LEF1: variants seen among roughly 807,000 people sequenced by gnomAD.
The protein encoded by LEF1 is lymphoid enhancer binding factor 1.
Under a neutral mutation model 51.2 loss-of-function variants are expected in LEF1, and 14 were observed. The observed-to-expected ratio is 0.27, with a 90% CI of 0.18 to 0.43. LEF1 has a LOEUF of 0.43. LEF1 is among the 20% of genes least tolerant of loss of function. The pLI is 1.00. For missense variants in LEF1, 386 were observed against 512.0 expected, an observed-to-expected ratio of 0.75 and a Z score of 2.37; for synonymous variants, 185 against 183.2, an observed-to-expected ratio of 1.01 and a Z score of -0.08.
At chr4:108,051,025 A>T (rs1374730826) in intron 11 of LEF1, among the ~76,000 whole-genome samples, 2 of 152,218 alleles carry the variant, frequency 1.3e-5, no homozygotes, top group African/African-American at 2.4e-5. Flanking sequence ...ATAGTGATTA[A>T]CACAAACATG....
intron 3 of LEF1, among the ~76,000 whole-genome samples, chr4:108,108,454 T>C (rs1238340625): frequency 6.6e-6 from 1 of 152,166 alleles, no homozygotes; most frequent in African/African-American, 2.4e-5. Context: ...AATATTTTTC[T>C]GGACTTGATT....
intron 3 of LEF1, among the ~76,000 whole-genome samples, chr4:108,163,099 T>C (rs1333793501): frequency 2.6e-5 from 4 of 152,132 alleles, no homozygotes; most frequent in Admixed American, 6.6e-5. Context: ...TAAGGAAACA[T>C]TGGCCGATAC....
intron 3 of LEF1, among the ~76,000 whole-genome samples, chr4:108,160,696 A>G (rs532180407): frequency 1.2e-3 from 178 of 152,328 alleles, no homozygotes; most frequent in Middle Eastern, 3.4e-3. Flanking sequence ...GTAATACTGT[A>G]TATTGGTCAT....
rs1224367362 is a variant in LEF1, at chr4:108,064,688, CACACAAT to C, written c.1117-311_1117-305del. 6.5e-3 allele frequency among the ~76,000 whole-genome samples: 103 copies of C among 15,878 alleles called. No homozygotes were observed. In the East Asian group the frequency reaches 0.15, roughly 23 times the overall value. 10.4% of individuals were successfully genotyped at this position (15,878 alleles called of 152,430 possible). On this transcript the variant is annotated intron_variant, in intron 9 of 11. Transcript: ENST00000265165. ...ACACACACACACACACACACACACA[CACACAAT>C]GATGTCTTAGAGCTGTGGCCATAGA...
intron 3 of LEF1, among the ~76,000 whole-genome samples, chr4:108,110,964 T>A (rs1310736876): frequency 6.6e-6 from 1 of 152,104 alleles, no homozygotes; most frequent in African/African-American, 2.4e-5. Flanking sequence ...ACTTACTAAA[T>A]TGGATGAAAG....
chr4:108,056,794 G>C (rs1452826145), intron 11 of LEF1, among the ~76,000 whole-genome samples: 1 of 151,680 alleles, frequency 6.6e-6, no homozygotes, highest in Non-Finnish European at 1.5e-5. Context: ...CCTATGCAGC[G>C]ATCTGGCAAT....
At chr4:108,136,049 A>G (rs1254276033) in intron 3 of LEF1, among the ~76,000 whole-genome samples, 3 of 152,236 alleles carry the variant, frequency 2.0e-5, no homozygotes, top group African/African-American at 7.2e-5. Context: ...TGATGATGTG[A>G]TGTGAAAATA....
At chr4:108,072,323 C>A (rs1445023883) in intron 8 of LEF1, 4 of 152,244 alleles carry the variant, frequency 2.6e-5, no homozygotes, top group Non-Finnish European at 5.9e-5. Flanking sequence ...AGAAAACAAA[C>A]ACCTGCTGCT....
At chr4:108,157,784 T>G (rs1232030007) in intron 3 of LEF1, among the ~76,000 whole-genome samples, 1 of 152,244 alleles carries the variant, frequency 6.6e-6, no homozygotes, top group Admixed American at 6.5e-5. Flanking sequence ...GTGAGTACCA[T>G]CGCTCAGTGA....
Position 108,078,341 on chromosome 4 carries a change from C to T in LEF1, c.887G>A (p.Arg296Lys), listed in dbSNP as rs1299335713. 5.0e-6 allele frequency: 8 copies of T among 1,613,942 alleles called. No individual in the cohort carries two copies. In the East Asian group the frequency reaches 6.7e-5, roughly 13 times the overall value. The stretch of plus-strand genomic sequence containing the variant: ...ATTCAGAGGCTTCTTAATGTGAGGT[C>T]TTTTTGGCTCCTGCTCCTTTCTCTG... ...HEQRKEQEPK[R>K]PHIKKPLNAF... The change falls in exon 8 of 12, where the codon AGA (arginine) becomes AAA (lysine). Residue 296 changes from arginine (R) to lysine (K), a missense_variant. Coordinates refer to ENST00000265165, the MANE Select transcript of LEF1 (RefSeq NM_016269.5).
chr4:108,079,353 G>T (rs1042608653), intron 7 of LEF1, 139 bp downstream of exon 7: 1 of 959,462 alleles, frequency 1.0e-6, no homozygotes. Context: ...ATGTCCTCAG[G>T]GACAGAGTTT....
At chr4:108,086,235 T>A (rs1739637605) in intron 4 of LEF1, among the ~76,000 whole-genome samples, 1 of 152,186 alleles carries the variant, frequency 6.6e-6, no homozygotes, top group South Asian at 2.1e-4. Context: ...ACATCATTTT[T>A]TTTTAAGTTT....
At chr4:108,137,503 A>C (rs1040683321) in intron 3 of LEF1, among the ~76,000 whole-genome samples, 1 of 152,226 alleles carries the variant, frequency 6.6e-6, no homozygotes, top group Non-Finnish European at 1.5e-5. Context: ...CCTCAAAGAT[A>C]GGAAAAGAGG....
chr4:108,076,678 G>A (rs1738883792), intron 8 of LEF1, among the ~76,000 whole-genome samples: 1 of 152,128 alleles, frequency 6.6e-6, no homozygotes, highest in Non-Finnish European at 1.5e-5. Context: ...GTGCCCAGTG[G>A]CTGCATCTAC....
chr4:108,164,018 TACAGAAC>T (rs1332314307), intron 2 of LEF1, among the ~76,000 whole-genome samples: 1 of 152,170 alleles, frequency 6.6e-6, no homozygotes, highest in Non-Finnish European at 1.5e-5. Context: ...GACTAAAATA[TACAGAAC>T]ACACACAACT....
At chr4:108,151,867 G>A (rs1454567120) in intron 3 of LEF1, among the ~76,000 whole-genome samples, 1 of 152,138 alleles carries the variant, frequency 6.6e-6, no homozygotes, top group African/African-American at 2.4e-5. Flanking sequence ...AATACGGATT[G>A]ATACCTGGTG....
intron 2 of LEF1, 94 bp from the exon 3 acceptor site, chr4:108,163,795 C>T: frequency 7.8e-7 from 1 of 1,276,108 alleles, no homozygotes. Flanking sequence ...TAAGATAAAT[C>T]AGACCCTACA....
intron 3 of LEF1, among the ~76,000 whole-genome samples, chr4:108,105,742 A>G (rs1307337228): frequency 6.6e-6 from 1 of 152,150 alleles, no homozygotes; most frequent in Non-Finnish European, 1.5e-5. Context: ...ATCTCTCCCA[A>G]TTTAAGGTCT....
intron 3 of LEF1, among the ~76,000 whole-genome samples, chr4:108,105,853 C>T (rs1741128951): frequency 6.6e-6 from 1 of 152,208 alleles, no homozygotes; most frequent in East Asian, 1.9e-4. Flanking sequence ...AGGGGGGAAA[C>T]TTCCACTTCA....
Sources: allele counts gnomAD v4.1 joint callset (sites outside exome capture counted in the v4.1 genomes callset), GRCh38; gene constraint gnomAD v4.1.1; transcripts MANE v1.5; gene names NCBI Gene and HGNC (gene_info 2026-07-23, HGNC 2026-07-21).